The following OR51B5 variants were observed in gnomAD, a reference collection of about 807,000 sequenced individuals.
The protein encoded by OR51B5 is olfactory receptor 51B5.
For missense variants in OR51B5, 456 were observed against 374.6 expected (o/e 1.22, Z -1.79); for synonymous variants, 186 against 144.8 (o/e 1.28, Z -2.04).
At chr11:5,359,838 C>G (rs910790270) in intron 1 of OR51B5, among the ~76,000 whole-genome samples, 1 of 151,864 alleles carries the variant, frequency 6.6e-6, no homozygotes, top group Admixed American at 6.6e-5. Flanking sequence ...GAAATAATGC[C>G]GCATGTCTAC....
intron 1 of OR51B5, chr11:5,390,192 T>C: frequency 1.2e-6 from 2 of 1,614,018 alleles, no homozygotes; most frequent in Non-Finnish European, 1.7e-6. Context: ...GTATTCTTTG[T>C]GCCCATGATG....
intron 1 of OR51B5, among the ~76,000 whole-genome samples, chr11:5,349,952 T>C (rs1242535942): frequency 7.2e-5 from 11 of 152,086 alleles, no homozygotes; most frequent in Admixed American, 5.9e-4. Flanking sequence ...ATATCTTTAT[T>C]TAAAGTCAAA....
At chr11:5,456,767 T>A (rs935850683) in intron 1 of OR51B5, among the ~76,000 whole-genome samples, 1 of 152,108 alleles carries the variant, frequency 6.6e-6, no homozygotes, top group Non-Finnish European at 1.5e-5. Context: ...ATAATCCCCA[T>A]TGCTGAAGGT....
chr11:5,347,042 C>T (rs1849003240), upstream of OR51B5: 1 of 152,180 alleles, frequency 6.6e-6, no homozygotes, highest in Non-Finnish European at 1.5e-5. Flanking sequence ...AGCTGGAACA[C>T]TTAATTAGTC....
chr11:5,458,071 T>C (rs1850987741), intron 1 of OR51B5, among the ~76,000 whole-genome samples: 1 of 152,220 alleles, frequency 6.6e-6, no homozygotes, highest in African/African-American at 2.4e-5. Context: ...TCCTAGGTTT[T>C]ATTCTAGGAT....
At chr11:5,439,099 CCTCTCT>C (rs35645484) in intron 1 of OR51B5, among the ~76,000 whole-genome samples, 12 of 149,958 alleles carry the variant, frequency 8.0e-5, no homozygotes, top group South Asian at 2.1e-4. Flanking sequence ...TCTCTCTCGT[CCTCTCT>C]CTCTCTCTCT....
chr11:5,465,476 C>T (rs1264046838), intron 1 of OR51B5, among the ~76,000 whole-genome samples: 1 of 151,810 alleles, frequency 6.6e-6, no homozygotes, highest in East Asian at 1.9e-4. Flanking sequence ...TCATATGGAA[C>T]CAAAAAAGAG....
intron 1 of OR51B5, among the ~76,000 whole-genome samples, chr11:5,457,863 G>C (rs1375869682): frequency 1.3e-5 from 2 of 152,108 alleles, no homozygotes; most frequent in African/African-American, 2.4e-5. Context: ...CTGGATATTA[G>C]ACATTTGTCA....
At chr11:5,466,228 A>T (rs926853435) in intron 1 of OR51B5, among the ~76,000 whole-genome samples, 3 of 152,242 alleles carry the variant, frequency 2.0e-5, no homozygotes, top group African/African-American at 7.2e-5. Context: ...TTATTTCATA[A>T]AGATGAGGCT....
At chr11:5,358,565 C>T (rs1418240844) in intron 1 of OR51B5, among the ~76,000 whole-genome samples, 2 of 152,164 alleles carry the variant, frequency 1.3e-5, no homozygotes, top group Non-Finnish European at 2.9e-5. Flanking sequence ...ACCAGAGGTA[C>T]AAGGAGGAGC....
At chr11:5,470,378 T>C (rs1851209893) in intron 1 of OR51B5, among the ~76,000 whole-genome samples, 1 of 152,202 alleles carries the variant, frequency 6.6e-6, no homozygotes, top group South Asian at 2.1e-4. Flanking sequence ...AACCTCTTAA[T>C]TGCCCCCTCA....
In OR51B5 at chr11:5,352,008, T is replaced by C; in HGVS notation, n.85-5098A>G. ...TTCGCCTACACTGGTTTCCCTACTG[T>C]CGATCCCATGTACTCTCCCATGCTT... On this transcript the variant is annotated intron_variant and non_coding_transcript_variant, in intron 1 of 4. Transcript: ENST00000415970. 3.7e-6 allele frequency: 6 copies of C among 1,613,764 alleles called. No individual in the cohort carries two copies. The East Asian group carries it at 1.1e-4, about 30-fold the overall frequency.
chr11:5,494,814 T>C (rs577830988), intron 1 of OR51B5, among the ~76,000 whole-genome samples: 2 of 152,320 alleles, frequency 1.3e-5, no homozygotes, highest in East Asian at 1.9e-4. Flanking sequence ...TTAAATATTA[T>C]TATTTCAATA....
At chr11:5,444,379 C>A (rs1850733620) in intron 1 of OR51B5, among the ~76,000 whole-genome samples, 1 of 152,088 alleles carries the variant, frequency 6.6e-6, no homozygotes, top group Non-Finnish European at 1.5e-5. Context: ...AATGATGCAG[C>A]AGTACCTTAA....
intron 1 of OR51B5, among the ~76,000 whole-genome samples, chr11:5,364,365 G>A (rs1246480675): frequency 1.3e-5 from 2 of 152,098 alleles, no homozygotes; most frequent in Non-Finnish European, 1.5e-5. Flanking sequence ...GAAACAGGAG[G>A]TCATGGTAAG....
At chr11:5,477,675 C>G (rs1851334292) in intron 1 of OR51B5, among the ~76,000 whole-genome samples, 1 of 152,112 alleles carries the variant, frequency 6.6e-6, no homozygotes, top group African/African-American at 2.4e-5. Flanking sequence ...CGAGCCGAAG[C>G]AGGGTGAGGC....
At chr11:5,426,289 GCA>G (rs1032526954) in intron 1 of OR51B5, among the ~76,000 whole-genome samples, 2 of 152,112 alleles carry the variant, frequency 1.3e-5, no homozygotes, top group African/African-American at 4.8e-5. Flanking sequence ...TTGTTATGGT[GCA>G]CACATAACAC....
chr11:5,405,166 C>G (rs942962149), intron 1 of OR51B5, among the ~76,000 whole-genome samples: 1 of 152,162 alleles, frequency 6.6e-6, no homozygotes. Flanking sequence ...AGATTTTTAA[C>G]ATAAAATATA....
chr11:5,463,196 T>G (rs1488693992), intron 1 of OR51B5, among the ~76,000 whole-genome samples: 2 of 152,238 alleles, frequency 1.3e-5, no homozygotes, highest in African/African-American at 4.8e-5. Flanking sequence ...ATTAGTTCAT[T>G]TGATTTGTAC....
Sources: allele counts gnomAD v4.1 joint callset (sites outside exome capture counted in the v4.1 genomes callset), GRCh38; gene constraint gnomAD v4.1.1; transcripts MANE v1.5; gene names NCBI Gene and HGNC (gene_info 2026-07-23, HGNC 2026-07-21).